RBFOX3: variants seen among roughly 807,000 people sequenced by gnomAD.
RBFOX3 encodes RNA binding protein fox-1 homolog 3.
RBFOX3 carries 17 observed loss-of-function variants against 48.7 expected under a neutral mutation model. That is an observed-to-expected ratio of 0.35 (90% CI 0.24 to 0.52). RBFOX3 has a LOEUF of 0.52. Ranked by LOEUF, RBFOX3 falls within the 20% of genes least tolerant of loss-of-function variation. The pLI, the probability that RBFOX3 is intolerant of heterozygous loss-of-function variation, is 0.94. For missense variants in RBFOX3, 382 were observed against 497.5 expected (o/e 0.77, Z 2.21); for synonymous variants, 212 against 209.5 (o/e 1.01, Z -0.10).
chr17:79,547,810 G>A (rs1482129404), intron 1 of RBFOX3, among the ~76,000 whole-genome samples: 1 of 151,324 alleles, frequency 6.6e-6, no homozygotes, highest in East Asian at 1.9e-4. Context: ...GACAAGGCTT[G>A]GGTTGGGTAC....
chr17:79,314,042 C>T (rs540731395), intron 2 of RBFOX3, among the ~76,000 whole-genome samples: 1 of 152,342 alleles, frequency 6.6e-6, no homozygotes, highest in South Asian at 2.1e-4. Flanking sequence ...CGAGTGGTCA[C>T]AGCCCCCACA....
chr17:79,239,375 G>A lies in RBFOX3; in HGVS notation c.-73-3570C>T, dbSNP rs568167927. On this transcript the variant is annotated intron_variant, in intron 3 of 14. Transcript: ENST00000693108. ...CAAACACTGCTCTCAGCCACTCAGC[G>A]GGATAATCAATTATGGTAATTTTTG... Among the ~76,000 whole-genome samples the A allele has an allele frequency of 3.9e-5, 6 of 152,274 alleles. No homozygotes were observed. In the East Asian group the frequency reaches 5.8e-4, roughly 15 times the overall value.
At chr17:79,280,157 A>G (rs2069952891) in intron 3 of RBFOX3, among the ~76,000 whole-genome samples, 1 of 127,442 alleles carries the variant, frequency 7.8e-6, no homozygotes, top group African/African-American at 2.7e-5. Context: ...GCGTGCACAC[A>G]CACACGCACA....
the RBFOX3 span, among the ~76,000 whole-genome samples, chr17:79,628,118 C>G: frequency 5.3e-5 from 8 of 151,990 alleles, no homozygotes; most frequent in Non-Finnish European, 1.2e-4. Context: ...CTCAACTCCC[C>G]CTCCTCTGTT....
chr17:79,381,198 T>G (rs1316972636), intron 2 of RBFOX3, among the ~76,000 whole-genome samples: 1 of 151,256 alleles, frequency 6.6e-6, no homozygotes, highest in Non-Finnish European at 1.5e-5. Flanking sequence ...AGGCGGAGGT[T>G]GCAATGAGCC....
chr17:79,123,213 T>C (rs2036230582), intron 4 of RBFOX3, among the ~76,000 whole-genome samples: 1 of 152,220 alleles, frequency 6.6e-6, no homozygotes, highest in South Asian at 2.1e-4. Flanking sequence ...AAAGAGCATA[T>C]TTGTATTGTG....
intron 1 of RBFOX3, among the ~76,000 whole-genome samples, chr17:79,592,134 TGTC>T (rs1188580374): frequency 5.0e-4 from 74 of 146,744 alleles, no homozygotes; most frequent in African/African-American, 1.6e-3. Context: ...TGTGAAGTAT[TGTC>T]GTGTGTGCAT....
intron 2 of RBFOX3, among the ~76,000 whole-genome samples, chr17:79,349,159 A>G (rs561953499): frequency 6.6e-6 from 1 of 151,828 alleles, no homozygotes; most frequent in East Asian, 1.9e-4. Context: ...TGCCCCAACC[A>G]TGCAAGTTTC....
At chr17:79,232,190 T>C (rs1031367488) in intron 4 of RBFOX3, among the ~76,000 whole-genome samples, 1 of 152,212 alleles carries the variant, frequency 6.6e-6, no homozygotes, top group African/African-American at 2.4e-5. Context: ...GAGATGGGCA[T>C]ATCAATCCCT....
chr17:79,591,930 G>T lies in RBFOX3; in HGVS notation c.-320+18896C>A, dbSNP rs2093429732. ...TGTGCATGTGTGGAGGGTGTGTGGA[G>T]GGGTGTGCATGTGTTGTGTGTGGCA... On this transcript the variant is annotated intron_variant, in intron 1 of 14. Transcript: ENST00000693108. 6.2e-5 allele frequency among the ~76,000 whole-genome samples: 9 copies of T among 145,146 alleles called. No homozygotes were observed. The South Asian group carries it at 1.9e-3, about 30-fold the overall frequency.
At position 79,299,602 on chromosome 17, in the gene RBFOX3, C is replaced by T. The variant is rs545771837; in HGVS notation, c.-74+8122G>A. ...CATTTCCTACCAGGGGTTTGAGCAT[C>T]GTCAGATCGTGGGGTTTTTGGAACT... is the stretch of plus-strand genomic sequence containing the variant. On this transcript the variant is annotated intron_variant, in intron 3 of 14. Coordinates refer to ENST00000693108, the MANE Select transcript of RBFOX3 (RefSeq NM_001350451.2). This position sits in a 1 kb window ranked among gnomAD's most constrained non-coding sequence, Gnocchi z 4.5. Among the ~76,000 whole-genome samples the T allele has an allele frequency of 3.9e-5, 6 of 152,152 alleles. No homozygotes were observed. The highest frequency in any genetic ancestry group is 2.1e-4 in the South Asian group (1 of 4,830).
intron 1 of RBFOX3, among the ~76,000 whole-genome samples, chr17:79,534,107 C>G (rs1310183200): frequency 6.6e-6 from 1 of 152,200 alleles, no homozygotes; most frequent in Non-Finnish European, 1.5e-5. Flanking sequence ...TTTTACAACA[C>G]AGAAACTTGC....
rs368716378 is a variant in RBFOX3 at position 79,215,806 on chromosome 17, T to C, written c.-34+19960A>G. ...GCCTGCCCTGAAGCGGAGCACCCAC[T>C]GCCTCGGTGCCTGCTGGGCACACTG... is the stretch of plus-strand genomic sequence containing the variant. On this transcript the variant is annotated intron_variant, in intron 4 of 14. Coordinates refer to ENST00000693108, the MANE Select transcript of RBFOX3 (RefSeq NM_001350451.2). 3.2e-3 allele frequency among the ~76,000 whole-genome samples: 482 copies of C among 152,382 alleles called. 5 individuals are homozygous for C. The highest frequency in any genetic ancestry group is 9.4e-3 in the African/African-American group (392 of 41,600).
rs920527208 is a variant in RBFOX3, at chr17:79,477,125, C to A, written c.-175+5329G>T. Among the ~76,000 whole-genome samples the A allele has an allele frequency of 1.3e-5, 2 of 149,226 alleles. No homozygotes were observed. Among genetic ancestry groups the A allele is most frequent in the African/African-American group, 4.9e-5 (2 of 40,466 alleles). On this transcript the variant is annotated intron_variant, in intron 2 of 14. Coordinates refer to ENST00000693108, the MANE Select transcript of RBFOX3 (RefSeq NM_001350451.2). This position sits in a 1 kb window ranked among gnomAD's most constrained non-coding sequence, Gnocchi z 4.8. ...GTGGGCGCCTGTAATCCCAGTTACT[C>A]GGGAAGCTGAGGCAGGAGAATCTCT... is the stretch of plus-strand genomic sequence containing the variant.
intron 2 of RBFOX3, among the ~76,000 whole-genome samples, chr17:79,407,732 AG>A (rs1258809381): frequency 3.3e-5 from 5 of 152,180 alleles, no homozygotes; most frequent in Non-Finnish European, 7.4e-5. Context: ...GGCCGGGAGC[AG>A]GAATTCATTC....
the RBFOX3 span, among the ~76,000 whole-genome samples, chr17:79,663,530 A>G: frequency 6.0e-3 from 919 of 152,284 alleles, 45 homozygotes; most frequent in Admixed American, 0.053. Context: ...CCCCCAGAGA[A>G]GATTCTGCAG....
At position 79,220,195 on chromosome 17, in the gene RBFOX3, T is replaced by C. The variant is rs1045619819; in HGVS notation, c.-34+15571A>G. 2.0e-5 allele frequency among the ~76,000 whole-genome samples: 3 copies of C among 152,022 alleles called. No individual in the cohort carries two copies. Among genetic ancestry groups the C allele is most frequent in the Non-Finnish European group, 2.9e-5 (2 of 68,014 alleles). ...TTGGTACATACCCAAAAATACATCATCATTTCGGAACCGCGGCTCCACAGC... is the reference window on the plus strand; with the variant it reads ...TTGGTACATACCCAAAAATACATCACCATTTCGGAACCGCGGCTCCACAGC... On this transcript the variant is annotated intron_variant, in intron 4 of 14. Transcript: ENST00000693108. This position sits in a 1 kb window ranked among gnomAD's most constrained non-coding sequence, Gnocchi z 5.9.
intron 2 of RBFOX3, among the ~76,000 whole-genome samples, chr17:79,458,797 A>G (rs1029398653): frequency 1.3e-5 from 2 of 151,830 alleles, no homozygotes; most frequent in African/African-American, 4.8e-5. Context: ...TGAAGCCCTC[A>G]CCCCTGCCAC....
At chr17:79,270,652 T>G (rs1191893089) in intron 3 of RBFOX3, among the ~76,000 whole-genome samples, 1 of 152,224 alleles carries the variant, frequency 6.6e-6, no homozygotes, top group South Asian at 2.1e-4. Context: ...CCCCTCCAGG[T>G]GCAGCGCCTG....
Sources: gnomAD v4.1 joint callset for allele counts (sites outside exome capture counted in the v4.1 genomes callset) on GRCh38, gnomAD v4.1.1 for gene constraint, Gnocchi (gnomAD v3.1) non-coding constraint, MANE v1.5 for transcripts, NCBI Gene and HGNC (gene_info 2026-07-23, HGNC 2026-07-21) for gene names.